Variants in COPB1 observed in about 807,000 individuals in gnomAD.
COPB1 encodes the protein coatomer subunit beta.
COPB1 carries 21 observed loss-of-function variants against 108.7 expected under a neutral mutation model. The observed-to-expected ratio is 0.19, with a 90% CI of 0.14 to 0.28. COPB1 has a LOEUF of 0.28. Ranked by LOEUF, COPB1 falls within the 10% of genes least tolerant of loss-of-function variation. The probability of loss-of-function intolerance (pLI) is 1.00; values close to 1 mark genes in which losing one functional copy is unlikely to be tolerated. For missense variants in COPB1, 919 were observed against 1,141.3 expected, an observed-to-expected ratio of 0.81 and a Z score of 2.81; for synonymous variants, 378 against 386.8, an observed-to-expected ratio of 0.98 and a Z score of 0.27.
At chr11:14,488,852 G>T (rs563393742) in intron 5 of COPB1, among the ~76,000 whole-genome samples, 1 of 152,180 alleles carries the variant, frequency 6.6e-6, no homozygotes, top group Non-Finnish European at 1.5e-5. Flanking sequence ...ATGTGTTATG[G>T]GATTCAGGGT....
In COPB1 at chr11:14,479,721, GAAAAAAA is replaced by G; in HGVS notation, c.1213-14_1213-8del. 3 of 1,171,906 alleles carry G rather than the reference GAAAAAAA, an allele frequency of 2.6e-6. No homozygotes were observed. Among genetic ancestry groups the G allele is most frequent in the Non-Finnish European group, 3.4e-6 (3 of 876,388 alleles). The allele number at this position is 1,171,906 out of a possible 1,614,324, so 72.6% of individuals were successfully genotyped here. On this transcript the variant is annotated splice_region_variant and splice_polypyrimidine_tract_variant and intron_variant, in intron 10 of 21. Coordinates refer to ENST00000439561, the MANE Select transcript of COPB1 (RefSeq NM_001144061.2). ...CACTGAGAAATTCCATTAACTAAAA[GAAAAAAA>G]AAAAAAAGAAAATGGAACTAACAAT... is the stretch of plus-strand genomic sequence containing the variant.
chr11:14,469,609 G>C (rs924879842), intron 14 of COPB1, 46 bp from the exon 15 acceptor site: 9 of 1,468,230 alleles, frequency 6.1e-6, no homozygotes, highest in African/African-American at 2.8e-5. Flanking sequence ...TTGATTCTCA[G>C]ATTGCAATCA....
chr11:14,472,988 T>C (rs140892509), intron 14 of COPB1, among the ~76,000 whole-genome samples: 94 of 152,306 alleles, frequency 6.2e-4, no homozygotes, highest in Middle Eastern at 6.8e-3. Context: ...TTCTTTTTTT[T>C]CCTCGAGACG....
rs200599672 is a variant in COPB1, at chr11:14,493,818, T to C, written c.322-7A>G. ...CATTAGGATGTTGAAGATCCTGATA[T>C]AAAAATTAAAATATGAAATGCTGAG... On this transcript the variant is annotated splice_polypyrimidine_tract_variant and splice_region_variant and intron_variant, in intron 3 of 21. Coordinates refer to ENST00000439561, the MANE Select transcript of COPB1 (RefSeq NM_001144061.2). 9 of 1,545,320 alleles carry C rather than the reference T, an allele frequency of 5.8e-6. No homozygotes were observed. In the African/African-American group the frequency reaches 7.0e-5, roughly 12 times the overall value.
At chr11:14,475,077 G>C (rs1307881791) in intron 13 of COPB1, among the ~76,000 whole-genome samples, 1 of 107,596 alleles carries the variant, frequency 9.3e-6, no homozygotes, top group African/African-American at 3.7e-5. Flanking sequence ...GTGGCCGACA[G>C]AGCAAGACTC....
chr11:14,467,643 TCC>T (rs1408619705), intron 16 of COPB1, among the ~76,000 whole-genome samples: 2 of 152,158 alleles, frequency 1.3e-5, no homozygotes, highest in Non-Finnish European at 2.9e-5. Context: ...AATGCACATA[TCC>T]AGGGATGGAT....
intron 2 of COPB1, among the ~76,000 whole-genome samples, chr11:14,498,209 A>T (rs189373876): frequency 1.3e-5 from 2 of 152,356 alleles, no homozygotes; most frequent in Admixed American, 1.3e-4. Flanking sequence ...GCTTGAAGGG[A>T]TGGATACTCC....
At chr11:14,465,052 T>C (rs2134096519) in intron 17 of COPB1, 22 bp from the exon 18 acceptor site, 3 of 1,582,946 alleles carry the variant, frequency 1.9e-6, no homozygotes, top group Admixed American at 1.8e-5. Context: ...AGTTTGGATA[T>C]GGTTAAAAAT....
intron 20 of COPB1, among the ~76,000 whole-genome samples, chr11:14,459,379 A>T (rs1164160147): frequency 2.6e-5 from 4 of 152,194 alleles, no homozygotes; most frequent in Admixed American, 6.5e-5. Context: ...GGTAGCAGAC[A>T]TTATTTTATT....
intron 14 of COPB1, 189 bp downstream of exon 14, chr11:14,474,306 G>T: frequency 4.9e-6 from 2 of 408,952 alleles, no homozygotes; most frequent in Non-Finnish European, 8.7e-6. Context: ...TTTTTTTAAA[G>T]CCCAAACAGA....
At chr11:14,488,428 AAAGT>A (rs1290072125) in intron 6 of COPB1, 60 bp downstream of exon 6, 38 of 890,880 alleles carry the variant, frequency 4.3e-5, no homozygotes, top group South Asian at 2.1e-4. Context: ...TCCCAGAAAG[AAAGT>A]ATTTAACCCT....
chr11:14,483,598 G>A (rs1850708988), intron 7 of COPB1, among the ~76,000 whole-genome samples: 1 of 152,028 alleles, frequency 6.6e-6, no homozygotes, highest in African/African-American at 2.4e-5. Flanking sequence ...ATCACCCAGA[G>A]TTGTTAAAAT....
At position 14,490,636 on chromosome 11, in the gene COPB1, C is replaced by G. The variant is rs1206498684; in HGVS notation, c.535G>C (p.Asp179His). The change falls in exon 5 of 22, where the codon GAT becomes CAT. Residue 179 changes from aspartate to histidine, a missense_variant. Around this residue, in one of 5 missense-constraint regions of COPB1, gnomAD observed 78 missense variants for 95.4 expected, o/e 0.82. Coordinates refer to ENST00000439561, the MANE Select transcript of COPB1 (RefSeq NM_001144061.2). ...GCATCCTTCTCATTCACCAGAAAAT[C>G]ATGTATCAGTTCAGGAGCATCAGGT... The part of the protein sequence containing the change: ...LIPDAPELIH[D>H]FLVNEKDASC... 4 of 1,613,154 alleles carry G rather than the reference C, an allele frequency of 2.5e-6. No individual in the cohort carries two copies. Among genetic ancestry groups the G allele is most frequent in the Admixed American group, 1.7e-5 (1 of 59,976 alleles).
chr11:14,492,261 AC>A (rs1850919956), intron 4 of COPB1, among the ~76,000 whole-genome samples: 1 of 152,102 alleles, frequency 6.6e-6, no homozygotes, highest in Non-Finnish European at 1.5e-5. Context: ...TTCTATGTGC[AC>A]TATAGTTTAA....
Position 14,486,357 on chromosome 11 carries a change from T to C in COPB1, c.837+10A>G, listed in dbSNP as rs764879801. The C allele has an allele frequency of 2.5e-6, 4 of 1,613,452 alleles. No individual in the cohort carries two copies. Among genetic ancestry groups the C allele is most frequent in the African/African-American group, 2.7e-5 (2 of 74,880 alleles). ...TCATCTAATCTGGCCCCAAAAGAAA[T>C]ACACAGTACCTTGATTGCAGTTGGT... On this transcript the variant is annotated intron_variant, in intron 7 of 21. Coordinates refer to ENST00000439561, the MANE Select transcript of COPB1 (RefSeq NM_001144061.2).
chr11:14,490,924 C>T (rs181024366), intron 4 of COPB1, among the ~76,000 whole-genome samples: 7 of 151,214 alleles, frequency 4.6e-5, no homozygotes, highest in African/African-American at 7.3e-5. Context: ...CGAGTAGCTG[C>T]GATTATAGGT....
At position 14,457,821 on chromosome 11, in the gene COPB1, T is replaced by C; in HGVS notation, c.*3A>G. ...TAAAGCTTCAAGGACTTTTTGTTTA[T>C]TTTTATATACTAGTTTTCTTCTGTG... is the stretch of plus-strand genomic sequence containing the variant. On this transcript the variant is annotated 3_prime_UTR_variant, in exon 22 of 22. Coordinates refer to ENST00000439561, the MANE Select transcript of COPB1 (RefSeq NM_001144061.2). The C allele has an allele frequency of 6.4e-7, 1 of 1,574,724 alleles. No homozygotes were observed. The highest frequency in any genetic ancestry group is 8.7e-7 in the Non-Finnish European group (1 of 1,146,692).
Position 14,486,464 on chromosome 11 carries a change from C to T in COPB1, c.740G>A (p.Arg247His), listed in dbSNP as rs774704971. 1.1e-5 allele frequency: 17 copies of T among 1,613,874 alleles called. No homozygotes were observed. Among genetic ancestry groups the T allele is most frequent in the Admixed American group, 3.3e-5 (2 of 60,006 alleles). Reference sequence around the variant, plus strand: ...TGACTGTAATAAGTTATAGATGCAGCGAATAAAACGAGCTCTTTCTGATGG... The same window carrying T: ...TGACTGTAATAAGTTATAGATGCAGTGAATAAAACGAGCTCTTTCTGATGG... ...ANPSERARFI[R>H]CIYNLLQSSS... Residue 247 changes from arginine to histidine, a missense_variant, in exon 7 of 22, where the codon CGC becomes CAC. By Grantham distance (29) the Arg-to-His change is conservative. Transcript: ENST00000439561.
chr11:14,487,701 A>C (rs1850806087), intron 6 of COPB1, among the ~76,000 whole-genome samples: 1 of 151,780 alleles, frequency 6.6e-6, no homozygotes, highest in African/African-American at 2.4e-5. Context: ...ACAAAAAAAA[A>C]ACAAAAAAAA....
Sources: gnomAD v4.1 joint callset for allele counts (sites outside exome capture counted in the v4.1 genomes callset) on GRCh38, gnomAD v4.1.1 for gene constraint, gnomAD v4.1.1 regional missense constraint, MANE v1.5 for transcripts, NCBI Gene and HGNC (gene_info 2026-07-23, HGNC 2026-07-21) for gene names.